The following OLFM3 variants were observed in gnomAD, a reference collection of about 807,000 sequenced individuals.
OLFM3 encodes olfactomedin 3.
A neutral mutation model predicts 48.6 loss-of-function variants in OLFM3; 20 were observed. The ratio of observed to expected loss-of-function variants is 0.41; its 90% CI spans 0.29 to 0.60. OLFM3 has a LOEUF of 0.60. Among genes scored for constraint, OLFM3 ranks in the 20% least tolerant of loss-of-function variants. The pLI, the probability that OLFM3 is intolerant of heterozygous loss-of-function variation, is 0.28. For missense variants in OLFM3, 437 were observed against 544.3 expected, an observed-to-expected ratio of 0.80 and a Z score of 1.96; for synonymous variants, 222 against 198.1, an observed-to-expected ratio of 1.12 and a Z score of -1.01.
chr1:101,928,171 T>C (rs1659332472), intron 1 of OLFM3, among the ~76,000 whole-genome samples: 1 of 152,132 alleles, frequency 6.6e-6, no homozygotes, highest in South Asian at 2.1e-4. Context: ...AAATCTTTCT[T>C]CATATGGGAA....
At chr1:101,859,632 G>T (rs1225689913) in intron 1 of OLFM3, among the ~76,000 whole-genome samples, 1 of 152,088 alleles carries the variant, frequency 6.6e-6, no homozygotes, top group Admixed American at 6.5e-5. Context: ...AATCCAAAAT[G>T]CTCCAGTGAT....
intron 1 of OLFM3, among the ~76,000 whole-genome samples, chr1:101,944,872 T>C (rs1659906661): frequency 1.1e-5 from 1 of 90,528 alleles, no homozygotes. Context: ...AGAGTGAGAC[T>C]CCACCTCAAA....
At chr1:101,994,930 C>G (rs1176013866) in intron 1 of OLFM3, among the ~76,000 whole-genome samples, 2 of 151,966 alleles carry the variant, frequency 1.3e-5, no homozygotes, top group African/African-American at 4.8e-5. Context: ...GCATTGAATA[C>G]ACACAAATAA....
At position 101,804,076 on chromosome 1, in the gene OLFM3, T is replaced by C; in HGVS notation, c.*162A>G. 1.8e-6 allele frequency: 1 copy of C among 542,136 alleles called. No homozygotes were observed. Among genetic ancestry groups the C allele is most frequent in the East Asian group, 3.1e-5 (1 of 31,896 alleles). The allele number at this position is 542,136 out of a possible 1,614,324, so 33.6% of individuals were successfully genotyped here. On this transcript the variant is annotated 3_prime_UTR_variant, in exon 6 of 6. Transcript: ENST00000370103. The surrounding 1 kb of genome is among the most constrained non-coding windows in gnomAD (Gnocchi z 4.5). ...TAAGATGTGTTTCCAACATGGTAAG[T>C]TAGACAAGCTCAGCTATGTTTTTGA...
At chr1:101,889,780 A>G (rs192902608) in intron 1 of OLFM3, among the ~76,000 whole-genome samples, 1 of 152,208 alleles carries the variant, frequency 6.6e-6, no homozygotes, top group East Asian at 1.9e-4. Context: ...GTAAAAGATT[A>G]AAAGGAGTTA....
chr1:101,905,301 G>T (rs1658516665), intron 1 of OLFM3, among the ~76,000 whole-genome samples: 1 of 152,106 alleles, frequency 6.6e-6, no homozygotes, highest in South Asian at 2.1e-4. Flanking sequence ...TCATTGGATT[G>T]CAATTGACTC....
At chr1:101,938,085 T>C (rs1240066156) in intron 1 of OLFM3, among the ~76,000 whole-genome samples, 2 of 152,354 alleles carry the variant, frequency 1.3e-5, no homozygotes, top group African/African-American at 2.4e-5. Context: ...AAATTTAACG[T>C]AGAAATCAAA....
chr1:101,937,310 C>A (rs1659652996), intron 1 of OLFM3, among the ~76,000 whole-genome samples: 1 of 152,126 alleles, frequency 6.6e-6, no homozygotes. Context: ...TTTTGCTGTT[C>A]ATAAAACAAT....
chr1:101,987,763 C>T (rs1661288982), intron 1 of OLFM3, among the ~76,000 whole-genome samples: 2 of 152,184 alleles, frequency 1.3e-5, no homozygotes, highest in Non-Finnish European at 2.9e-5. Flanking sequence ...TCATCTTCAA[C>T]TTAGTTGGAA....
chr1:101,826,129 A>AGCACACACACAC, intron 3 of OLFM3, among the ~76,000 whole-genome samples: 1 of 133,076 alleles, frequency 7.5e-6, no homozygotes. Flanking sequence ...ACTTTCGTCA[A>AGCACACACACAC]ACACACACAC....
intron 1 of OLFM3, among the ~76,000 whole-genome samples, chr1:101,906,998 A>T (rs1324557144): frequency 6.6e-6 from 1 of 152,196 alleles, no homozygotes; most frequent in Non-Finnish European, 1.5e-5. Context: ...ATTTTTCATA[A>T]GCACTTAATT....
At chr1:101,952,717 G>A (rs905006307) in intron 1 of OLFM3, among the ~76,000 whole-genome samples, 3 of 151,982 alleles carry the variant, frequency 2.0e-5, no homozygotes, top group African/African-American at 7.2e-5. Flanking sequence ...ACTTACCAAT[G>A]AGCATTCATT....
chr1:101,903,066 T>G (rs2101020115), intron 1 of OLFM3, among the ~76,000 whole-genome samples: 1 of 152,226 alleles, frequency 6.6e-6, no homozygotes, highest in Non-Finnish European at 1.5e-5. Context: ...TTGTGAGTAC[T>G]TCCAGAATGT....
intron 1 of OLFM3, among the ~76,000 whole-genome samples, chr1:101,908,698 A>G (rs1234230467): frequency 1.3e-5 from 2 of 152,192 alleles, no homozygotes; most frequent in African/African-American, 4.8e-5. Flanking sequence ...ATCCTGGATT[A>G]TCCAGATGGG....
chr1:101,983,857 C>T (rs528373562), intron 1 of OLFM3, among the ~76,000 whole-genome samples: 1 of 152,264 alleles, frequency 6.6e-6, no homozygotes, highest in South Asian at 2.1e-4. Context: ...GTTTTCTAAA[C>T]AAAATTGCTT....
chr1:101,809,893 C>G lies in OLFM3; in HGVS notation c.593-3711G>C, dbSNP rs577133353. Among the ~76,000 whole-genome samples, 4 of 151,994 alleles carry G rather than the reference C, an allele frequency of 2.6e-5. No homozygotes were observed. The East Asian group carries it at 7.7e-4, about 29-fold the overall frequency. On this transcript the variant is annotated intron_variant, in intron 4 of 5. Coordinates refer to ENST00000370103, the MANE Select transcript of OLFM3 (RefSeq NM_058170.4). ...CTCCCAAGGAACAATATAAACATTG[C>G]TATAATAATGTAAACACTCATGTCT...
At chr1:101,858,624 C>T (rs141413991) in intron 1 of OLFM3, among the ~76,000 whole-genome samples, 4 of 151,936 alleles carry the variant, frequency 2.6e-5, no homozygotes, top group South Asian at 4.2e-4. Context: ...GGTGAATTTC[C>T]CCCTTGCTGT....
intron 4 of OLFM3, among the ~76,000 whole-genome samples, chr1:101,821,339 T>C (rs1015505930): frequency 2.4e-4 from 37 of 152,104 alleles, no homozygotes; most frequent in African/African-American, 8.4e-4. Flanking sequence ...CATATATTTA[T>C]GCACTATATA....
At chr1:101,880,844 G>T (rs749779684) in intron 1 of OLFM3, among the ~76,000 whole-genome samples, 1 of 151,784 alleles carries the variant, frequency 6.6e-6, no homozygotes, top group East Asian at 1.9e-4. Flanking sequence ...ATTTGATAAA[G>T]ATTTTAATTC....
Sources: gnomAD v4.1 joint callset for allele counts (sites outside exome capture counted in the v4.1 genomes callset) on GRCh38, gnomAD v4.1.1 for gene constraint, Gnocchi (gnomAD v3.1) non-coding constraint, MANE v1.5 for transcripts, NCBI Gene and HGNC (gene_info 2026-07-23, HGNC 2026-07-21) for gene names.